The following KIF6 variants were observed in gnomAD, a reference collection of about 807,000 sequenced individuals.
KIF6 encodes the protein kinesin family member 6.
A neutral mutation model predicts 112.7 loss-of-function variants in KIF6; 106 were observed. The ratio of observed to expected loss-of-function variants is 0.94; its 90% CI spans 0.80 to 1.11. The LOEUF (loss-of-function observed/expected upper bound fraction) is 1.11. KIF6 is among the 50% of genes least tolerant of loss of function. KIF6 has a pLI of 0.00. For synonymous variants in KIF6, 339 were observed against 339.9 expected, an observed-to-expected ratio of 1.00 and a Z score of 0.03; for missense variants, 929 against 964.0, an observed-to-expected ratio of 0.96 and a Z score of 0.48.
At chr6:39,551,702 T>C (rs1779392380) in intron 10 of KIF6, among the ~76,000 whole-genome samples, 1 of 152,166 alleles carries the variant, frequency 6.6e-6, no homozygotes, top group Non-Finnish European at 1.5e-5. Context: ...CTTAAAGGAA[T>C]ATGATAACTA....
intron 3 of KIF6, among the ~76,000 whole-genome samples, chr6:39,661,710 A>T (rs1311421622): frequency 6.6e-6 from 1 of 152,202 alleles, no homozygotes; most frequent in East Asian, 1.9e-4. Flanking sequence ...GGGAGCTAAT[A>T]AGGAGTACCC....
In KIF6 at chr6:39,343,610, T is replaced by C. The variant is rs1009573314; in HGVS notation, c.2428+99A>G. 4.5e-5 allele frequency: 51 copies of C among 1,143,674 alleles called. No homozygotes were observed. The highest frequency in any genetic ancestry group is 6.2e-5 in the South Asian group (4 of 64,672). The allele number at this position is 1,143,674 out of a possible 1,614,324, so 70.8% of individuals were successfully genotyped here. A position where few individuals can be genotyped will look rare whatever the true frequency, so the allele number is the denominator to read the frequency against. On this transcript the variant is annotated intron_variant, in intron 22 of 22. Transcript: ENST00000287152. The surrounding 1 kb of genome is among the most constrained non-coding windows in gnomAD (Gnocchi z 4.1). The stretch of plus-strand genomic sequence containing the variant: ...GGCCAGTCCTGTGGCTTCAGGAATA[T>C]GCAGGAAACTCCCTACTCCCCTCCC...
At chr6:39,578,328 G>GGTTT (rs1781089247) in intron 9 of KIF6, among the ~76,000 whole-genome samples, 169 bp from the exon 10 acceptor site, 1 of 128,472 alleles carries the variant, frequency 7.8e-6, no homozygotes, top group African/African-American at 3.4e-5. Flanking sequence ...AATAGTTCTA[G>GGTTT]ATTTTTTTTT....
At chr6:39,684,573 G>A (rs796848556) in intron 3 of KIF6, among the ~76,000 whole-genome samples, 27 of 149,078 alleles carry the variant, frequency 1.8e-4, no homozygotes, top group African/African-American at 5.4e-4. Context: ...CCGAGATCAC[G>A]CCATTGCACT....
intron 3 of KIF6, chr6:39,690,342 G>A (rs902898385): frequency 2.6e-5 from 4 of 151,982 alleles, no homozygotes; most frequent in African/African-American, 9.7e-5. Flanking sequence ...GGACAATTCT[G>A]GAAAGTTCCT....
chr6:39,380,942 A>G (rs1766880411), intron 16 of KIF6, among the ~76,000 whole-genome samples: 1 of 152,256 alleles, frequency 6.6e-6, no homozygotes, highest in Non-Finnish European at 1.5e-5. Context: ...TAATTTTAAT[A>G]ACATCTTTGT....
intron 10 of KIF6, chr6:39,554,939 TCTGA>T (rs560962092): frequency 5.1e-5 from 10 of 195,356 alleles, no homozygotes; most frequent in Non-Finnish European, 1.1e-4. Flanking sequence ...ATTCTCAGCC[TCTGA>T]CTGACAGGGA....
intron 3 of KIF6, among the ~76,000 whole-genome samples, chr6:39,683,012 GTC>G (rs1369939705): frequency 5.9e-5 from 9 of 152,236 alleles, no homozygotes; most frequent in African/African-American, 2.2e-4. Flanking sequence ...GAACAATCTT[GTC>G]TTATTTTAGG....
chr6:39,594,850 A>AT (rs1334471038), intron 7 of KIF6, among the ~76,000 whole-genome samples: 5 of 150,906 alleles, frequency 3.3e-5, no homozygotes, highest in South Asian at 2.1e-4. Context: ...TTATTTTATT[A>AT]TTTTTTTTTA....
intron 13 of KIF6, among the ~76,000 whole-genome samples, chr6:39,482,993 C>T (rs62402246): frequency 0.077 from 11,717 of 152,264 alleles, 612 homozygotes; most frequent in Middle Eastern, 0.14. Context: ...CTTCCCTTTC[C>T]TGTCAGGTTG....
At chr6:39,528,341 T>C (rs1029313957) in intron 13 of KIF6, among the ~76,000 whole-genome samples, 5 of 152,240 alleles carry the variant, frequency 3.3e-5, no homozygotes, top group Non-Finnish European at 7.3e-5. Context: ...CTGTACCACA[T>C]TTTCTTTATC....
chr6:39,479,542 A>G (rs905385379), intron 13 of KIF6, among the ~76,000 whole-genome samples: 3 of 151,588 alleles, frequency 2.0e-5, no homozygotes, highest in African/African-American at 7.3e-5. Flanking sequence ...ATGCCTCCAG[A>G]TTTGTTCTTT....
chr6:39,719,021 A>G (rs1053341165), intron 2 of KIF6, among the ~76,000 whole-genome samples: 2 of 152,162 alleles, frequency 1.3e-5, no homozygotes, highest in African/African-American at 4.8e-5. Context: ...AGCAAATAAG[A>G]ATTTAAAAAG....
At chr6:39,539,234 T>TA (rs1218891825) in intron 13 of KIF6, among the ~76,000 whole-genome samples, 8 of 146,754 alleles carry the variant, frequency 5.5e-5, no homozygotes, top group South Asian at 2.2e-4. Flanking sequence ...AAAATAAAAT[T>TA]AAAAAAAAAA....
chr6:39,456,431 G>T (rs1773111655), intron 13 of KIF6, among the ~76,000 whole-genome samples: 1 of 33,756 alleles, frequency 3.0e-5, no homozygotes, highest in African/African-American at 1.4e-4. Context: ...AAAATGTAAA[G>T]ACCATCGAGA....
At chr6:39,715,531 T>C (rs1423707984) in intron 2 of KIF6, among the ~76,000 whole-genome samples, 4 of 135,066 alleles carry the variant, frequency 3.0e-5, no homozygotes, top group African/African-American at 1.1e-4. Flanking sequence ...TGAGACAGAG[T>C]CTCACTCTGT....
intron 6 of KIF6, among the ~76,000 whole-genome samples, chr6:39,602,189 T>C (rs1782617494): frequency 6.6e-6 from 1 of 152,162 alleles, no homozygotes; most frequent in African/African-American, 2.4e-5. Flanking sequence ...TTAGGGCTTG[T>C]ATCAAAAATA....
chr6:39,357,301 C>G lies in KIF6; in HGVS notation c.2156G>C (p.Trp719Ser). 6.2e-7 allele frequency: 1 copy of G among 1,613,478 alleles called. No individual in the cohort carries two copies. Among genetic ancestry groups the G allele is most frequent in the Non-Finnish European group, 8.5e-7 (1 of 1,179,518 alleles). Residue 719 changes from tryptophan to serine, a missense_variant, in exon 19 of 23, where the codon TGG becomes TCG. Trp to Ser is a radical substitution (Grantham distance 177). Coordinates refer to ENST00000287152, the MANE Select transcript of KIF6 (RefSeq NM_145027.6). The part of the protein sequence containing the change: ...FLQTSDSQHE[W>S]SQLLSNKSSG... ...CCTTTTGTTAGAGAGGAGTTGGGACCATTCATGCTGGGAGTCAGATGTCTG... is the reference window on the plus strand; with the variant it reads ...CCTTTTGTTAGAGAGGAGTTGGGACGATTCATGCTGGGAGTCAGATGTCTG...
At chr6:39,716,417 C>G (rs1015526118) in intron 2 of KIF6, among the ~76,000 whole-genome samples, 1 of 152,106 alleles carries the variant, frequency 6.6e-6, no homozygotes, top group Admixed American at 6.6e-5. Context: ...TTTAGAAGAA[C>G]GATTTTAGCA....
Sources: gnomAD v4.1 joint callset for allele counts (sites outside exome capture counted in the v4.1 genomes callset) on GRCh38, gnomAD v4.1.1 for gene constraint, Gnocchi (gnomAD v3.1) non-coding constraint, MANE v1.5 for transcripts, NCBI Gene and HGNC (gene_info 2026-07-23, HGNC 2026-07-21) for gene names.